The following ERC1 variants were observed in gnomAD, a reference collection of about 807,000 sequenced individuals.
ERC1 encodes RAB6 interacting protein 2.
ERC1 carries 56 observed loss-of-function variants against 132.0 expected under a neutral mutation model. The observed-to-expected ratio is 0.42, with a 90% CI of 0.34 to 0.53. ERC1 has a LOEUF of 0.53. ERC1 is among the 20% of genes least tolerant of loss of function. ERC1 has a pLI of 0.03. For missense variants in ERC1, 1,202 were observed against 1,349.9 expected (o/e 0.89, Z 1.72); for synonymous variants, 478 against 476.1 (o/e 1.00, Z -0.05).
intron 17 of ERC1, among the ~76,000 whole-genome samples, chr12:1,413,549 G>A (rs143934819): frequency 3.6e-4 from 55 of 152,008 alleles, no homozygotes; most frequent in Non-Finnish European, 6.9e-4. Flanking sequence ...AACCAAGATC[G>A]CACCACTGCA....
chr12:1,098,186 C>T (rs1365681498), intron 3 of ERC1, among the ~76,000 whole-genome samples: 4 of 152,200 alleles, frequency 2.6e-5, no homozygotes, highest in Admixed American at 2.6e-4. Context: ...GATCATAGTC[C>T]TGTATTGCTT....
At chr12:1,401,490 A>G (rs1356964268) in intron 16 of ERC1, among the ~76,000 whole-genome samples, 2 of 152,162 alleles carry the variant, frequency 1.3e-5, no homozygotes, top group Non-Finnish European at 2.9e-5. Flanking sequence ...AAATATAATT[A>G]TTTTAGTTTT....
chr12:1,096,012 A>AC (rs1454693064), intron 3 of ERC1, among the ~76,000 whole-genome samples: 3 of 146,574 alleles, frequency 2.0e-5, no homozygotes, highest in African/African-American at 7.6e-5. Flanking sequence ...TGCGGCCTCC[A>AC]CCTCCCAGGC....
intron 4 of ERC1, among the ~76,000 whole-genome samples, chr12:1,105,252 C>T (rs1203412038): frequency 2.0e-5 from 3 of 152,218 alleles, no homozygotes; most frequent in Non-Finnish European, 4.4e-5. Context: ...AACACGAGTC[C>T]TGTGCTTAGG....
At chr12:1,074,902 A>G (rs1941080185) in intron 2 of ERC1, among the ~76,000 whole-genome samples, 1 of 152,052 alleles carries the variant, frequency 6.6e-6, no homozygotes, top group African/African-American at 2.4e-5. Flanking sequence ...AGAATGTTAA[A>G]CAATTTAATC....
intron 13 of ERC1, chr12:1,244,497 G>GGTTTGTTTGTTT (rs71055140): frequency 7.2e-5 from 32 of 442,274 alleles, no homozygotes; most frequent in African/African-American, 1.2e-4. Context: ...TGTACTTAAT[G>GGTTTGTTTGTTT]GTTTGTTTGT....
At chr12:1,131,105 A>G (rs1948721981) in intron 7 of ERC1, among the ~76,000 whole-genome samples, 1 of 152,212 alleles carries the variant, frequency 6.6e-6, no homozygotes, top group Admixed American at 6.5e-5. Context: ...AAACTAATCA[A>G]TGGAAGATGT....
At chr12:1,021,143 G>A (rs1418529057) in intron 1 of ERC1, among the ~76,000 whole-genome samples, 1 of 151,968 alleles carries the variant, frequency 6.6e-6, no homozygotes, top group Non-Finnish European at 1.5e-5. Flanking sequence ...GTTTCACCAT[G>A]TTGGCCAAAC....
At chr12:1,021,374 A>G (rs775994263) in intron 1 of ERC1, among the ~76,000 whole-genome samples, 1 of 151,838 alleles carries the variant, frequency 6.6e-6, no homozygotes, top group Non-Finnish European at 1.5e-5. Flanking sequence ...AATGTCTTCC[A>G]TTGGGACAAA....
intron 7 of ERC1, among the ~76,000 whole-genome samples, chr12:1,124,067 C>T (rs1005308889): frequency 2.0e-5 from 3 of 152,078 alleles, no homozygotes; most frequent in Non-Finnish European, 2.9e-5. Flanking sequence ...TGGATGTGCT[C>T]CTGTCAGAAT....
chr12:1,019,772 G>T (rs1009417678), intron 1 of ERC1, among the ~76,000 whole-genome samples: 1 of 152,060 alleles, frequency 6.6e-6, no homozygotes, highest in African/African-American at 2.4e-5. Context: ...TAGTGCAGTG[G>T]AACTATCGTG....
chr12:1,166,756 C>G (rs1240374359), intron 8 of ERC1, among the ~76,000 whole-genome samples: 1 of 152,024 alleles, frequency 6.6e-6, no homozygotes, highest in East Asian at 1.9e-4. Context: ...TTTTAAATAG[C>G]TTTGTGTTTT....
intron 12 of ERC1, among the ~76,000 whole-genome samples, chr12:1,197,197 T>G (rs1445708458): frequency 2.6e-5 from 4 of 151,598 alleles, no homozygotes; most frequent in Admixed American, 2.6e-4. Context: ...ACCAGGATGG[T>G]CTCGAACTCC....
intron 15 of ERC1, among the ~76,000 whole-genome samples, chr12:1,336,400 C>T (rs1199780433): frequency 1.3e-5 from 2 of 152,016 alleles, no homozygotes; most frequent in Admixed American, 6.5e-5. Flanking sequence ...ATATGAACGT[C>T]CCTGTTAACA....
intron 16 of ERC1, among the ~76,000 whole-genome samples, chr12:1,381,958 A>T (rs1382059783): frequency 6.6e-6 from 1 of 152,182 alleles, no homozygotes; most frequent in African/African-American, 2.4e-5. Context: ...TTTCACTTGG[A>T]CTAGAGTTGT....
At chr12:1,264,874 G>A (rs1266953352) in intron 14 of ERC1, among the ~76,000 whole-genome samples, 1 of 152,116 alleles carries the variant, frequency 6.6e-6, no homozygotes, top group African/African-American at 2.4e-5. Flanking sequence ...TAGTAAAGAA[G>A]GGTATGTTTC....
intron 18 of ERC1, among the ~76,000 whole-genome samples, chr12:1,450,165 T>G (rs1259511193): frequency 5.3e-5 from 8 of 152,234 alleles, no homozygotes; most frequent in Non-Finnish European, 1.2e-4. Flanking sequence ...TTATTGTTTA[T>G]TGTGCTAAAA....
chr12:1,092,621 C>G (rs1276298257), intron 3 of ERC1, among the ~76,000 whole-genome samples: 1 of 152,160 alleles, frequency 6.6e-6, no homozygotes, highest in African/African-American at 2.4e-5. Flanking sequence ...TGATTAAACT[C>G]TGTTTAAATA....
chr12:1,445,355 G>A (rs573952573), intron 18 of ERC1, among the ~76,000 whole-genome samples: 25 of 150,774 alleles, frequency 1.7e-4, no homozygotes, highest in Admixed American at 9.3e-4. Flanking sequence ...TCAGCCTTCC[G>A]GGTAGCTGGG....
Sources: gnomAD v4.1 joint callset for allele counts (sites outside exome capture counted in the v4.1 genomes callset) on GRCh38, gnomAD v4.1.1 for gene constraint, MANE v1.5 for transcripts, NCBI Gene and HGNC (gene_info 2026-07-23, HGNC 2026-07-21) for gene names.